The following CDK5RAP1 variants were observed in gnomAD, a reference collection of about 807,000 sequenced individuals.
CDK5RAP1 encodes the protein CDK5RAP1 mitochondrial tRNA methylthiotransferase, also known as mitochondrial tRNA methylthiotransferase CDK5RAP1.
CDK5RAP1 carries 62 observed loss-of-function variants against 64.5 expected under a neutral mutation model. That is an observed-to-expected ratio of 0.96 (90% CI 0.78 to 1.19). The LOEUF (loss-of-function observed/expected upper bound fraction) is 1.19, where lower values mean the gene tolerates loss of function less well. CDK5RAP1 is among the 50% of genes most tolerant of loss of function. CDK5RAP1 has a pLI of 0.00. For missense variants in CDK5RAP1, 657 were observed against 735.0 expected (o/e 0.89, Z 1.23); for synonymous variants, 250 against 261.9 (o/e 0.95, Z 0.44).
In CDK5RAP1 at chr20:33,379,479, G is replaced by A; in HGVS notation, c.1089C>T (p.Pro363=). 1 of 1,612,308 alleles carries A rather than the reference G, an allele frequency of 6.2e-7. No homozygotes were observed. The highest frequency in any genetic ancestry group is 8.5e-7 in the Non-Finnish European group (1 of 1,178,398). The stretch of plus-strand genomic sequence containing the variant: ...CGCTCACCTCATCAGGAAAATCCTT[G>A]GGGTGGGGAGAGGTAAAACGGATCC... The part of the protein sequence containing the change: ...EMRIRFTSPH[P]KDFPDEVLQL... Residue 363 remains proline, a synonymous_variant, in exon 8 of 14, where the codon CCC becomes CCT. Transcript: ENST00000346416.
intron 5 of CDK5RAP1, 151 bp downstream of exon 5, chr20:33,391,991 C>T (rs758002919): frequency 8.2e-6 from 5 of 608,392 alleles, no homozygotes; most frequent in Non-Finnish European, 1.5e-5. Context: ...TCATTTAATC[C>T]TGTCACCTCT....
chr20:33,388,984 CT>C (rs1355965110), intron 5 of CDK5RAP1, among the ~76,000 whole-genome samples: 1 of 152,220 alleles, frequency 6.6e-6, no homozygotes, highest in Non-Finnish European at 1.5e-5. Context: ...CAACCTCCAC[CT>C]CCCAGCCGCC....
chr20:33,395,815 C>T (rs1179466125), intron 2 of CDK5RAP1, among the ~76,000 whole-genome samples: 1 of 152,068 alleles, frequency 6.6e-6, no homozygotes, highest in Non-Finnish European at 1.5e-5. Flanking sequence ...GAGTTCGAGA[C>T]CAGCCTAGCC....
intron 8 of CDK5RAP1, among the ~76,000 whole-genome samples, chr20:33,375,877 A>G (rs1254682347): frequency 6.6e-6 from 1 of 152,182 alleles, no homozygotes; most frequent in Non-Finnish European, 1.5e-5. Flanking sequence ...TTTTAAATAT[A>G]TCGAGATAGG....
At chr20:33,367,816 G>A (rs901847699) in intron 11 of CDK5RAP1, among the ~76,000 whole-genome samples, 6 of 152,322 alleles carry the variant, frequency 3.9e-5, no homozygotes, top group African/African-American at 1.4e-4. Flanking sequence ...GCTCAGTACA[G>A]CTGGAGAACC....
chr20:33,396,530 G>T (rs372873764), intron 2 of CDK5RAP1, among the ~76,000 whole-genome samples: 37 of 152,176 alleles, frequency 2.4e-4, no homozygotes, highest in Admixed American at 9.2e-4. Context: ...GAACTCCTGG[G>T]CTCAAGCAAT....
intron 7 of CDK5RAP1, among the ~76,000 whole-genome samples, chr20:33,383,741 C>CAAA (rs34365439): frequency 1.3e-4 from 12 of 91,208 alleles, no homozygotes; most frequent in Admixed American, 2.7e-4. Flanking sequence ...AACTCTGTCT[C>CAAA]AAAAAAAAAA....
chr20:33,369,231 C>G lies in CDK5RAP1; in HGVS notation c.1392+1268G>C, dbSNP rs531579907. On this transcript the variant is annotated intron_variant, in intron 11 of 13. Transcript: ENST00000346416. ...AGGCACAGTGGCTCACACCTGTAATCCCAGCACTTTGGGAGGCCGAGGCGG... is the reference window on the plus strand; with the variant it reads ...AGGCACAGTGGCTCACACCTGTAATGCCAGCACTTTGGGAGGCCGAGGCGG... 5.9e-5 allele frequency among the ~76,000 whole-genome samples: 9 copies of G among 152,142 alleles called. No homozygotes were observed. The East Asian group carries it at 1.7e-3, about 29-fold the overall frequency.
intron 13 of CDK5RAP1, chr20:33,360,137 A>C: frequency 1.8e-6 from 1 of 551,948 alleles, no homozygotes; most frequent in Non-Finnish European, 3.2e-6. Flanking sequence ...TCCCACAAAG[A>C]ACGCTTCCAG....
Position 33,394,012 on chromosome 20 carries a change from G to C in CDK5RAP1, c.443+20C>G. The C allele has an allele frequency of 6.5e-7, 1 of 1,550,020 alleles. No homozygotes were observed. Among genetic ancestry groups the C allele is most frequent in the Non-Finnish European group, 8.9e-7 (1 of 1,121,472 alleles). On this transcript the variant is annotated intron_variant, in intron 4 of 13. Transcript: ENST00000346416. ...ATTACATAAAATACATTCACTCCTAGGAAAAGAACAAATTCGCACCTGATA... is the reference window on the plus strand; with the variant it reads ...ATTACATAAAATACATTCACTCCTACGAAAAGAACAAATTCGCACCTGATA...
intron 7 of CDK5RAP1, among the ~76,000 whole-genome samples, chr20:33,381,288 AT>A (rs1986722531): frequency 6.6e-6 from 1 of 152,174 alleles, no homozygotes; most frequent in Non-Finnish European, 1.5e-5. Flanking sequence ...TTTAGTATAT[AT>A]TTCTTAAAAA....
rs763034244 is a variant in CDK5RAP1, at chr20:33,379,604, T to C, written c.964A>G (p.Asn322Asp). ...EVQFNSAVPT[N>D]LSRGFTTNYK... ...TTGGTGGTAAAGCCACGACTGAGATTGGTAGGCACTGCACTGTTGAACTGG... is the reference window on the plus strand; with the variant it reads ...TTGGTGGTAAAGCCACGACTGAGATCGGTAGGCACTGCACTGTTGAACTGG... Residue 322 changes from asparagine to aspartate, a missense_variant, in exon 8 of 14, where the codon AAT (asparagine) becomes GAT (aspartate). Transcript: ENST00000346416. The C allele has an allele frequency of 1.1e-4, 185 of 1,613,952 alleles. No homozygotes were observed. Among genetic ancestry groups the C allele is most frequent in the Non-Finnish European group, 1.5e-4 (179 of 1,179,956 alleles).
Position 33,366,876 on chromosome 20 carries a change from A to G in CDK5RAP1, c.1525T>C (p.Leu509=). Residue 509 remains leucine, a synonymous_variant, in exon 12 of 14, where the codon TTG becomes CTG. Transcript: ENST00000346416. The part of the protein sequence containing the change: ...ANQTSVGCTQ[L]VLVEGLSKRS... ...GGCCTCACCCCTTCCACTAGCACCA[A>G]CTGGGTACAGCCCACAGAGGTCTGA... 2 of 1,613,732 alleles carry G rather than the reference A, an allele frequency of 1.2e-6. No individual in the cohort carries two copies. The highest frequency in any genetic ancestry group is 1.7e-6 in the Non-Finnish European group (2 of 1,179,896).
At chr20:33,390,635 TAC>T in intron 5 of CDK5RAP1, among the ~76,000 whole-genome samples, 1 of 152,320 alleles carries the variant, frequency 6.6e-6, no homozygotes, top group Admixed American at 6.5e-5. Flanking sequence ...TATATTTTAC[TAC>T]AGTTTTTTAA....
chr20:33,383,439 A>C (rs1300165224), intron 7 of CDK5RAP1: 2 of 151,558 alleles, frequency 1.3e-5, no homozygotes, highest in Admixed American at 6.6e-5. Flanking sequence ...CCCCGTCTCT[A>C]TTAAAAATAC....
intron 12 of CDK5RAP1, among the ~76,000 whole-genome samples, chr20:33,364,911 A>G (rs1252022744): frequency 1.4e-5 from 2 of 141,440 alleles, no homozygotes; most frequent in African/African-American, 5.3e-5. Context: ...CTAGCTGTGT[A>G]TTTTTTTTGA....
intron 4 of CDK5RAP1, among the ~76,000 whole-genome samples, chr20:33,393,265 T>C (rs1988531068): frequency 6.6e-6 from 1 of 152,098 alleles, no homozygotes; most frequent in African/African-American, 2.4e-5. Context: ...AGCCTTGAAC[T>C]CCTGGACTCA....
intron 12 of CDK5RAP1, 21 bp downstream of exon 12, chr20:33,366,838 C>T (rs1461770868): frequency 6.4e-7 from 1 of 1,574,782 alleles, no homozygotes; most frequent in South Asian, 1.2e-5. Context: ...AACAACATAA[C>T]ACACACACAT....
chr20:33,374,376 C>A (rs540780140), intron 8 of CDK5RAP1, among the ~76,000 whole-genome samples, 164 bp from the exon 9 acceptor site: 89 of 152,262 alleles, frequency 5.8e-4, no homozygotes, highest in African/African-American at 2.1e-3. Context: ...TTTGTTCAAG[C>A]CCCATTCTAT....
Sources: allele counts gnomAD v4.1 joint callset (sites outside exome capture counted in the v4.1 genomes callset), GRCh38; gene constraint gnomAD v4.1.1; transcripts MANE v1.5; gene names NCBI Gene and HGNC (gene_info 2026-07-23, HGNC 2026-07-21).